MTF2: variants seen among roughly 807,000 people sequenced by gnomAD.
MTF2 encodes the protein metal response element binding transcription factor 2.
A neutral mutation model predicts 79.5 loss-of-function variants in MTF2; 11 were observed. The ratio of observed to expected loss-of-function variants is 0.14; its 90% CI spans 0.09 to 0.23. The LOEUF (loss-of-function observed/expected upper bound fraction) is 0.23. MTF2 is among the 10% of genes least tolerant of loss of function. The pLI, the probability that MTF2 is intolerant of heterozygous loss-of-function variation, is 1.00. For synonymous variants in MTF2, 208 were observed against 232.8 expected (o/e 0.89, Z 0.97); for missense variants, 486 against 711.2 (o/e 0.68, Z 3.60).
Position 93,133,942 on chromosome 1 carries a change from T to C in MTF2, c.1281T>C (p.Ile427=). 1 of 1,578,008 alleles carries C rather than the reference T, an allele frequency of 6.3e-7. No homozygotes were observed. The highest frequency in any genetic ancestry group is 1.4e-5 in the African/African-American group (1 of 73,894). The change falls in exon 13 of 15, where the codon ATT becomes ATC. Residue 427 remains isoleucine (I), a synonymous_variant. Transcript: ENST00000370298. ...TTATTTTCCAGGATAAGGAATCAAT[T>C]TCAGAGAATCCTACTTTGGATTTAC... The part of the protein sequence containing the change: ...TAEPLLDKES[I]SENPTLDLPC...
At chr1:93,133,355 A>G (rs1647218497) in intron 11 of MTF2, among the ~76,000 whole-genome samples, 1 of 152,142 alleles carries the variant, frequency 6.6e-6, no homozygotes, top group Non-Finnish European at 1.5e-5. Context: ...ATTAAACTAT[A>G]TAATTGAGCT....
At chr1:93,097,369 G>C (rs1655333907) in intron 1 of MTF2, among the ~76,000 whole-genome samples, 2 of 152,020 alleles carry the variant, frequency 1.3e-5, no homozygotes, top group Admixed American at 6.6e-5. Flanking sequence ...AGTTTCCCAA[G>C]TTAAAAACTT....
At chr1:93,081,606 A>G (rs913870207) in intron 1 of MTF2, among the ~76,000 whole-genome samples, 3 of 152,170 alleles carry the variant, frequency 2.0e-5, no homozygotes, top group Non-Finnish European at 4.4e-5. Context: ...TGTGAAATCC[A>G]GTATAACCAT....
rs2101073895 is a variant in MTF2 at position 93,120,266 on chromosome 1, T to C, written c.798-283T>C. On this transcript the variant is annotated intron_variant, in intron 8 of 14. Transcript: ENST00000370298. ...AGCTGACGTTGTGCCATTGTACTAC[T>C]CCAGCCTGGGCAATCAGCGAAACTC... 4 of 199,374 alleles carry C rather than the reference T, an allele frequency of 2.0e-5. No homozygotes were observed. In the South Asian group the frequency reaches 2.8e-4, roughly 14 times the overall value. 12.4% of individuals were successfully genotyped at this position (199,374 alleles called of 1,614,324 possible).
At chr1:93,126,399 A>G (rs1227163767) in intron 9 of MTF2, among the ~76,000 whole-genome samples, 1 of 152,014 alleles carries the variant, frequency 6.6e-6, no homozygotes, top group Non-Finnish European at 1.5e-5. Context: ...CACTTAAAGC[A>G]GTTCTGAGGC....
At chr1:93,085,550 G>A (rs1010222853) in intron 1 of MTF2, among the ~76,000 whole-genome samples, 5 of 147,846 alleles carry the variant, frequency 3.4e-5, no homozygotes, top group Admixed American at 2.1e-4. Flanking sequence ...GCAGTGGCGT[G>A]ATCATAGCTC....
intron 3 of MTF2, among the ~76,000 whole-genome samples, chr1:93,113,024 T>A (rs752924019): frequency 6.6e-6 from 1 of 152,126 alleles, no homozygotes; most frequent in Non-Finnish European, 1.5e-5. Context: ...TTAATCTGGT[T>A]GCTCTCATGA....
intron 11 of MTF2, among the ~76,000 whole-genome samples, chr1:93,131,610 A>G (rs981920868): frequency 1.3e-5 from 2 of 152,220 alleles, no homozygotes; most frequent in African/African-American, 4.8e-5. Flanking sequence ...TGTCATCAAC[A>G]CCTAGAAGCT....
chr1:93,137,954 C>T lies in MTF2; in HGVS notation c.*927C>T, dbSNP rs1167229764. ...GAACATTATCTCCTACTAGAAGTAA[C>T]GTTTTCAAGTTTTCATGGCACATTA... On this transcript the variant is annotated 3_prime_UTR_variant, in exon 15 of 15. Coordinates refer to ENST00000370298, the MANE Select transcript of MTF2 (RefSeq NM_007358.4). The T allele has an allele frequency of 2.6e-5, 4 of 152,128 alleles. No homozygotes were observed. The highest frequency in any genetic ancestry group is 6.5e-5 in the Admixed American group (1 of 15,282). The allele number at this position is 152,128 out of a possible 1,614,324, so 9.4% of individuals were successfully genotyped here.
chr1:93,107,998 A>ACT lies in MTF2; in HGVS notation c.6-2229_6-2228dup, dbSNP rs566410565. On this transcript the variant is annotated intron_variant, in intron 1 of 14. Transcript: ENST00000370298. Reference sequence around the variant, plus strand: ...ACATTCTCCCTTTGTTGCCCAGGCTACTCTTGAATTCGGGGTCCTCCTGCC... The same window carrying ACT: ...ACATTCTCCCTTTGTTGCCCAGGCTACTCTCTTGAATTCGGGGTCCTCCTGCC... Among the ~76,000 whole-genome samples the ACT allele has an allele frequency of 2.6e-4, 40 of 151,512 alleles. No individual in the cohort carries two copies. The South Asian group carries it at 5.4e-3, about 21-fold the overall frequency.
At chr1:93,099,730 A>G (rs2101038971) in intron 1 of MTF2, among the ~76,000 whole-genome samples, 1 of 152,308 alleles carries the variant, frequency 6.6e-6, no homozygotes, top group Non-Finnish European at 1.5e-5. Context: ...GACAAGAGCA[A>G]GGCTTAGAGG....
chr1:93,132,915 A>G (rs898290868), intron 11 of MTF2, among the ~76,000 whole-genome samples: 2 of 152,140 alleles, frequency 1.3e-5, no homozygotes, highest in African/African-American at 4.8e-5. Context: ...TTGTATCCAT[A>G]TTATCTAATA....
In MTF2 at chr1:93,101,545, G is replaced by T. The variant is rs1322256709; in HGVS notation, c.6-8685G>T. Among the ~76,000 whole-genome samples the T allele has an allele frequency of 3.9e-5, 4 of 102,212 alleles. No individual in the cohort carries two copies. In the East Asian group the frequency reaches 1.3e-3, roughly 32 times the overall value. The allele number at this position is 102,212 out of a possible 152,430, so 67.1% of individuals were successfully genotyped here. A position where few individuals can be genotyped will look rare whatever the true frequency, so the allele number is the denominator to read the frequency against. On this transcript the variant is annotated intron_variant, in intron 1 of 14. Coordinates refer to ENST00000370298, the MANE Select transcript of MTF2 (RefSeq NM_007358.4). The stretch of plus-strand genomic sequence containing the variant: ...TTTAAAAATTTTCTGTAGGAATGTG[G>T]TCTTGCCATGTTGCTCAGGCTGGTT...
In MTF2 at chr1:93,137,138, A is replaced by G. The variant is rs1364443525; in HGVS notation, c.*111A>G. On this transcript the variant is annotated 3_prime_UTR_variant, in exon 15 of 15. Transcript: ENST00000370298. Reference sequence around the variant, plus strand: ...TTTCTTAAAAAAAAAAAAAAGTCAAAAAAATTCAAAAAAGGGGATGATACT... The same window carrying G: ...TTTCTTAAAAAAAAAAAAAAGTCAAGAAAATTCAAAAAAGGGGATGATACT... The G allele has an allele frequency of 2.2e-6, 2 of 891,662 alleles. No individual in the cohort carries two copies. The highest frequency in any genetic ancestry group is 3.3e-6 in the Non-Finnish European group (2 of 600,230). The allele number at this position is 891,662 out of a possible 1,614,324, so 55.2% of individuals were successfully genotyped here.
At chr1:93,083,680 T>C (rs1246033563) in intron 1 of MTF2, among the ~76,000 whole-genome samples, 1 of 152,214 alleles carries the variant, frequency 6.6e-6, no homozygotes, top group African/African-American at 2.4e-5. Flanking sequence ...ACAAGCTCAC[T>C]AGCGATTATC....
intron 11 of MTF2, among the ~76,000 whole-genome samples, chr1:93,130,876 G>T (rs1210285317): frequency 6.6e-6 from 1 of 152,092 alleles, no homozygotes; most frequent in African/African-American, 2.4e-5. Flanking sequence ...TGGAAGAACA[G>T]ATTTTGGTAT....
At chr1:93,127,033 A>G (rs1026483082) in intron 9 of MTF2, among the ~76,000 whole-genome samples, 199 bp from the exon 10 acceptor site, 1 of 152,114 alleles carries the variant, frequency 6.6e-6, no homozygotes, top group Non-Finnish European at 1.5e-5. Context: ...TTCATTTTTT[A>G]TAAGTGAGAA....
At chr1:93,127,367 G>T in intron 10 of MTF2, 68 bp downstream of exon 10, 1 of 1,029,566 alleles carries the variant, frequency 9.7e-7, no homozygotes. Flanking sequence ...TAATGGCATT[G>T]TTTAAGAATT....
chr1:93,124,378 G>A (rs945330912), intron 9 of MTF2, among the ~76,000 whole-genome samples: 2 of 152,014 alleles, frequency 1.3e-5, no homozygotes, highest in Admixed American at 6.6e-5. Context: ...TGAGATATTA[G>A]TACTTTTTGT....
Sources: gnomAD v4.1 joint callset for allele counts (sites outside exome capture counted in the v4.1 genomes callset) on GRCh38, gnomAD v4.1.1 for gene constraint, MANE v1.5 for transcripts, NCBI Gene and HGNC (gene_info 2026-07-23, HGNC 2026-07-21) for gene names.